Variants in GABBR2 observed in about 807,000 individuals in gnomAD.
The protein encoded by GABBR2 is gamma-aminobutyric acid type B receptor subunit 2.
Under a neutral mutation model 105.6 loss-of-function variants are expected in GABBR2, and 23 were observed. The observed-to-expected ratio is 0.22, with a 90% CI of 0.16 to 0.31. The LOEUF is 0.31. GABBR2 is among the 10% of genes least tolerant of loss of function. The pLI is 1.00. For missense variants in GABBR2, 734 were observed against 1,245.5 expected, an observed-to-expected ratio of 0.59 and a Z score of 6.18; for synonymous variants, 478 against 499.7, an observed-to-expected ratio of 0.96 and a Z score of 0.58.
chr9:98,352,361 G>T (rs1019262210), intron 13 of GABBR2, among the ~76,000 whole-genome samples: 1 of 152,312 alleles, frequency 6.6e-6, no homozygotes, highest in Non-Finnish European at 1.5e-5. Flanking sequence ...AGCCACCTCT[G>T]GTGGCAGAAG....
chr9:98,413,598 T>C (rs1268910332), intron 7 of GABBR2, among the ~76,000 whole-genome samples: 1 of 152,218 alleles, frequency 6.6e-6, no homozygotes, highest in African/African-American at 2.4e-5. Context: ...AGCAGTAGGT[T>C]TGCAGGGAAC....
At chr9:98,594,866 A>G (rs1221358906) in intron 1 of GABBR2, among the ~76,000 whole-genome samples, 1 of 152,216 alleles carries the variant, frequency 6.6e-6, no homozygotes, top group Non-Finnish European at 1.5e-5. Flanking sequence ...TTTGCTAACC[A>G]TGAATGCTGA....
At chr9:98,451,210 A>G (rs1203265063) in intron 7 of GABBR2, among the ~76,000 whole-genome samples, 3 of 152,164 alleles carry the variant, frequency 2.0e-5, no homozygotes, top group Non-Finnish European at 2.9e-5. Flanking sequence ...GGCTGCAGGA[A>G]GAGGGGGCTG....
At chr9:98,542,069 T>A in intron 2 of GABBR2, 26 bp from the exon 3 acceptor site, 1 of 1,601,766 alleles carries the variant, frequency 6.2e-7, no homozygotes, top group Non-Finnish European at 8.5e-7. Flanking sequence ...GAGACAACGC[T>A]TTTTACTGAT....
intron 1 of GABBR2, among the ~76,000 whole-genome samples, chr9:98,660,794 G>A (rs1830248963): frequency 6.6e-6 from 1 of 152,092 alleles, no homozygotes; most frequent in Non-Finnish European, 1.5e-5. Context: ...AAACTTCCTG[G>A]TTCTATGCCC....
intron 12 of GABBR2, among the ~76,000 whole-genome samples, chr9:98,370,182 G>A (rs1390899626): frequency 6.6e-6 from 1 of 152,162 alleles, no homozygotes; most frequent in Non-Finnish European, 1.5e-5. Flanking sequence ...GGCCATGGGT[G>A]AGGGAGAGTT....
At chr9:98,387,251 A>G (rs919057390) in intron 10 of GABBR2, among the ~76,000 whole-genome samples, 1 of 152,224 alleles carries the variant, frequency 6.6e-6, no homozygotes, top group African/African-American at 2.4e-5. Flanking sequence ...AAACAAAACA[A>G]AAAACTTCAC....
chr9:98,505,445 TG>T (rs1827490109), intron 3 of GABBR2, among the ~76,000 whole-genome samples: 2 of 151,728 alleles, frequency 1.3e-5, no homozygotes, highest in African/African-American at 2.4e-5. Flanking sequence ...TGTGTGTGTG[TG>T]TGTGTGTGTG....
At chr9:98,620,667 T>C (rs914443900) in intron 1 of GABBR2, among the ~76,000 whole-genome samples, 3 of 152,184 alleles carry the variant, frequency 2.0e-5, no homozygotes, top group African/African-American at 7.2e-5. Context: ...GAATCTTCTT[T>C]GAGGCATTGG....
chr9:98,404,217 G>GT (rs1832450195), intron 8 of GABBR2, among the ~76,000 whole-genome samples: 1 of 149,572 alleles, frequency 6.7e-6, no homozygotes. Flanking sequence ...AAAAAAGTAA[G>GT]TATCTTTGCC....
At chr9:98,440,053 C>A (rs1423925416) in intron 7 of GABBR2, among the ~76,000 whole-genome samples, 1 of 152,124 alleles carries the variant, frequency 6.6e-6, no homozygotes, top group Non-Finnish European at 1.5e-5. Context: ...TACCCTCCAC[C>A]ATGAGGAACT....
At chr9:98,633,568 G>A (rs1033273278) in intron 1 of GABBR2, among the ~76,000 whole-genome samples, 2 of 141,528 alleles carry the variant, frequency 1.4e-5, no homozygotes, top group Non-Finnish European at 3.1e-5. Flanking sequence ...AGGTTACAGT[G>A]AGCCGAGATC....
At chr9:98,574,324 CA>C (rs1213389635) in intron 2 of GABBR2, among the ~76,000 whole-genome samples, 4 of 152,334 alleles carry the variant, frequency 2.6e-5, no homozygotes, top group Middle Eastern at 3.4e-3. Flanking sequence ...AGCTAAGTCC[CA>C]AAAGACTTTG....
At chr9:98,684,715 A>G (rs761131176) in intron 1 of GABBR2, among the ~76,000 whole-genome samples, 26 of 152,338 alleles carry the variant, frequency 1.7e-4, no homozygotes, top group Admixed American at 3.9e-4. Context: ...CTCTACTGTA[A>G]CATTTCCCAA....
chr9:98,648,652 G>C (rs1830063321), intron 1 of GABBR2, among the ~76,000 whole-genome samples: 1 of 152,118 alleles, frequency 6.6e-6, no homozygotes, highest in Admixed American at 6.6e-5. Context: ...TAGATCAGGG[G>C]TTACCAAACC....
intron 1 of GABBR2, among the ~76,000 whole-genome samples, chr9:98,582,126 G>A (rs1365912969): frequency 1.3e-5 from 2 of 152,180 alleles, no homozygotes; most frequent in Non-Finnish European, 2.9e-5. Flanking sequence ...ATGTTACATG[G>A]CAAAAGGGAC....
intron 6 of GABBR2, among the ~76,000 whole-genome samples, chr9:98,458,410 T>C (rs922252777): frequency 1.3e-5 from 2 of 152,144 alleles, no homozygotes; most frequent in African/African-American, 4.8e-5. Flanking sequence ...TTGTTAAAAA[T>C]GCAGATGCCA....
In GABBR2 at chr9:98,469,994, A is replaced by C. The variant is rs73655467; in HGVS notation, c.999+3152T>G. Among the ~76,000 whole-genome samples, 1,280 of 152,330 alleles carry C rather than the reference A, an allele frequency of 8.4e-3. 12 individuals are homozygous for C. Among genetic ancestry groups the C allele is most frequent in the African/African-American group, 0.029 (1,211 of 41,574 alleles). ...ACTCTCTAGAACTATGTTTGACCAT[A>C]GACTTCTGAAGGCTGTTCGGAGAAG... On this transcript the variant is annotated intron_variant, in intron 6 of 18. Transcript: ENST00000259455.
At chr9:98,477,264 G>C (rs1379438662) in intron 5 of GABBR2, among the ~76,000 whole-genome samples, 1 of 152,142 alleles carries the variant, frequency 6.6e-6, no homozygotes, top group African/African-American at 2.4e-5. Flanking sequence ...TCTTGAGACA[G>C]GGTCTGTCTC....
Sources: allele counts gnomAD v4.1 joint callset (sites outside exome capture counted in the v4.1 genomes callset), GRCh38; gene constraint gnomAD v4.1.1; transcripts MANE v1.5; gene names NCBI Gene and HGNC (gene_info 2026-07-23, HGNC 2026-07-21).